PLCG2: variants seen among roughly 807,000 people sequenced by gnomAD.
PLCG2 encodes phospholipase C gamma 2, also known as 1-phosphatidylinositol 4,5-bisphosphate phosphodiesterase gamma-2.
Under a neutral mutation model 175.6 loss-of-function variants are expected in PLCG2, and 69 were observed. That is an observed-to-expected ratio of 0.39 (90% CI 0.32 to 0.48). PLCG2 has a LOEUF of 0.48. PLCG2 is among the 20% of genes least tolerant of loss of function. The pLI is 0.91. For synonymous variants in PLCG2, 827 were observed against 624.0 expected (o/e 1.33, Z -4.85); for missense variants, 1,798 against 1,650.9 (o/e 1.09, Z -1.54).
intron 2 of PLCG2, among the ~76,000 whole-genome samples, chr16:81,818,943 A>T (rs1303464723): frequency 6.8e-6 from 1 of 146,298 alleles, no homozygotes; most frequent in Non-Finnish European, 1.5e-5. Flanking sequence ...AAAAATAAAT[A>T]CAGCTTTTTA....
rs59970301 is a variant in PLCG2, at chr16:81,822,761, C to CAAAAAAAAA, written c.194-31671_194-31663dup. Among the ~76,000 whole-genome samples the CAAAAAAAAA allele has an allele frequency of 2.8e-3, 197 of 69,614 alleles. 4 individuals carry two copies. The highest frequency in any genetic ancestry group is 6.6e-3 in the East Asian group (12 of 1,830). 45.7% of individuals were successfully genotyped at this position (69,614 alleles called of 152,430 possible). ...GGGAGACAAGAGCGAGACTCCATCT[C>CAAAAAAAAA]AAAAAAAAAAAAAAAAAAAAGAAAA... On this transcript the variant is annotated intron_variant, in intron 2 of 32. Transcript: ENST00000564138.
chr16:81,900,660 G>C lies in PLCG2; in HGVS notation c.1242G>C (p.Gln414His). The C allele has an allele frequency of 2.5e-6, 4 of 1,612,200 alleles. No individual in the cohort carries two copies. Among genetic ancestry groups the C allele is most frequent in the Non-Finnish European group, 3.4e-6 (4 of 1,178,386 alleles). The change falls in exon 14 of 33, where the codon CAG becomes CAC. Residue 414 changes from glutamine (Q) to histidine (H), a missense_variant. Transcript: ENST00000564138. ...AGGAGCACTGCAGCGTGGAGCAACAGCGTCACATGGCCAAGGCCTTCAAGG... is the reference window on the plus strand; with the variant it reads ...AGGAGCACTGCAGCGTGGAGCAACACCGTCACATGGCCAAGGCCTTCAAGG... Reference protein sequence around the residue: ...SIEEHCSVEQQRHMAKAFKEV... With the variant: ...SIEEHCSVEQHRHMAKAFKEV...
intron 1 of PLCG2, among the ~76,000 whole-genome samples, chr16:81,744,370 A>G (rs1909662178): frequency 6.8e-6 from 1 of 147,734 alleles, no homozygotes; most frequent in Non-Finnish European, 1.5e-5. Flanking sequence ...TCACCATATT[A>G]GCCAGGATGG....
intron 2 of PLCG2, among the ~76,000 whole-genome samples, chr16:81,807,883 A>G (rs946214767): frequency 5.9e-5 from 9 of 152,092 alleles, no homozygotes; most frequent in African/African-American, 2.2e-4. Context: ...CAACAGCCAG[A>G]TCTCTCAAGA....
chr16:81,847,356 C>G (rs531228315), intron 2 of PLCG2, among the ~76,000 whole-genome samples: 1 of 152,168 alleles, frequency 6.6e-6, no homozygotes, highest in Non-Finnish European at 1.5e-5. Flanking sequence ...AGCCTAATTA[C>G]AAAGGCATGA....
In PLCG2 at chr16:81,743,172, A is replaced by T. The variant is rs113493797; in HGVS notation, c.-145+3787A>T. 4.7e-3 allele frequency among the ~76,000 whole-genome samples: 714 copies of T among 152,244 alleles called. 5 individuals carry two copies. The highest frequency in any genetic ancestry group is 0.015 in the African/African-American group (638 of 41,540). ...AAAAGACAGAAAAGGAAAGGAAAGAAGGAAGGAAGGAAAGGAAAGGAAGAA... is the reference window on the plus strand; with the variant it reads ...AAAAGACAGAAAAGGAAAGGAAAGATGGAAGGAAGGAAAGGAAAGGAAGAA... On this transcript the variant is annotated intron_variant, in intron 1 of 5. Coordinates refer to the PLCG2 transcript ENST00000565054.
chr16:81,747,991 C>G (rs1272563321), intron 1 of PLCG2, among the ~76,000 whole-genome samples: 2 of 152,208 alleles, frequency 1.3e-5, no homozygotes, highest in South Asian at 4.1e-4. Context: ...TCTCCTGCCT[C>G]GGCCTCCCAA....
chr16:81,880,044 A>G (rs1325078285), intron 7 of PLCG2, among the ~76,000 whole-genome samples: 1 of 152,216 alleles, frequency 6.6e-6, no homozygotes, highest in Admixed American at 6.5e-5. Context: ...GTTCAAGACC[A>G]TCCTGGGCAA....
chr16:81,827,944 G>A (rs1011147087), intron 2 of PLCG2, among the ~76,000 whole-genome samples: 37 of 151,914 alleles, frequency 2.4e-4, no homozygotes, highest in African/African-American at 8.7e-4. Flanking sequence ...TACAAAAGTA[G>A]CCAGGCATGG....
Position 81,889,197 on chromosome 16 carries a change from A to G in PLCG2, c.791A>G (p.Lys264Arg), listed in dbSNP as rs747555081. 2 of 1,603,916 alleles carry G rather than the reference A, an allele frequency of 1.2e-6. No homozygotes were observed. Among genetic ancestry groups the G allele is most frequent in the Admixed American group, 1.7e-5 (1 of 59,122 alleles). The change falls in exon 10 of 33, where the codon AAA becomes AGA. Residue 264 changes from lysine to arginine, a missense_variant. By Grantham distance (26) the Lys-to-Arg change is conservative. Transcript: ENST00000564138. ...QQEHWAQDLNKVRERMTKFID... is the reference protein window; with the variant it reads ...QQEHWAQDLNRVRERMTKFID... The stretch of plus-strand genomic sequence containing the variant: ...GAGCATTGGGCTCAGGATCTGAACA[A>G]AGTCCGTGAGCGGATGACAAAGTTC...
intron 17 of PLCG2, among the ~76,000 whole-genome samples, chr16:81,909,490 C>T (rs1909523985): frequency 6.6e-6 from 1 of 152,226 alleles, no homozygotes; most frequent in Admixed American, 6.5e-5. Context: ...CAGTCTCAGT[C>T]ACTGCAGCCT....
At chr16:81,951,866 A>G (rs1457562778) in intron 31 of PLCG2, among the ~76,000 whole-genome samples, 1 of 152,234 alleles carries the variant, frequency 6.6e-6, no homozygotes, top group South Asian at 2.1e-4. Flanking sequence ...AATTTTAGAA[A>G]AAAGGTCGAG....
chr16:81,791,591 C>G (rs935860222), intron 2 of PLCG2, among the ~76,000 whole-genome samples: 1 of 152,082 alleles, frequency 6.6e-6, no homozygotes, highest in African/African-American at 2.4e-5. Context: ...GTTTTTCAGA[C>G]GGAATCTCTG....
intron 25 of PLCG2, among the ~76,000 whole-genome samples, chr16:81,933,923 T>G (rs1388291422): frequency 6.6e-6 from 1 of 152,210 alleles, no homozygotes; most frequent in Non-Finnish European, 1.5e-5. Flanking sequence ...GCACATGGCC[T>G]GGGCACTGGG....
At chr16:81,910,313 A>G (rs193287875) in intron 17 of PLCG2, among the ~76,000 whole-genome samples, 3 of 151,944 alleles carry the variant, frequency 2.0e-5, no homozygotes, top group African/African-American at 7.2e-5. Context: ...CTGGTCTGGA[A>G]CTCCTAATCT....
chr16:81,904,455 G>C (rs537593826), intron 14 of PLCG2, among the ~76,000 whole-genome samples: 1 of 152,312 alleles, frequency 6.6e-6, no homozygotes, highest in African/African-American at 2.4e-5. Flanking sequence ...TAATCTTGCA[G>C]ATGAGAAGCC....
intron 2 of PLCG2, among the ~76,000 whole-genome samples, chr16:81,844,143 ATTTTTTTTTTT>A (rs60183943): frequency 9.6e-5 from 9 of 93,910 alleles, no homozygotes; most frequent in Non-Finnish European, 1.8e-4. Context: ...CACCCGGCTG[ATTTTTTTTTTT>A]TTTTTTTTTT....
rs1555562057 is a variant in PLCG2, at chr16:81,760,755, A to AAAT, written c.-48+4791_-48+4792insTAA. Among the ~76,000 whole-genome samples, 46 of 82,716 alleles carry AAAT rather than the reference A, an allele frequency of 5.6e-4. 1 individual carries two copies. Among genetic ancestry groups the AAAT allele is most frequent in the Middle Eastern group, 7.2e-3 (1 of 138 alleles). 54.3% of individuals were successfully genotyped at this position (82,716 alleles called of 152,430 possible). On this transcript the variant is annotated intron_variant, in intron 2 of 5. Coordinates refer to the PLCG2 transcript ENST00000565054. ...GTGAGACCCCGTCTCTATTAAAAAA[A>AAAT]AAAATAATAATAATAATAATAATAA...
At chr16:81,877,510 A>G (rs963112428) in intron 7 of PLCG2, among the ~76,000 whole-genome samples, 8 of 152,256 alleles carry the variant, frequency 5.3e-5, no homozygotes, top group African/African-American at 1.7e-4. Flanking sequence ...CTGGAGGTTA[A>G]AAGTCCAAAA....
Sources: gnomAD v4.1 joint callset for allele counts (sites outside exome capture counted in the v4.1 genomes callset) on GRCh38, gnomAD v4.1.1 for gene constraint, MANE v1.5 for transcripts, NCBI Gene and HGNC (gene_info 2026-07-23, HGNC 2026-07-21) for gene names.